The following DPY19L1 variants were observed in gnomAD, a reference collection of about 807,000 sequenced individuals.
DPY19L1 encodes dpy-19 like C-mannosyltransferase 1.
DPY19L1 carries 35 observed loss-of-function variants against 96.9 expected under a neutral mutation model. The observed-to-expected ratio is 0.36, with a 90% CI of 0.28 to 0.48. The LOEUF (loss-of-function observed/expected upper bound fraction) is 0.48. Among genes scored for constraint, DPY19L1 ranks in the 20% least tolerant of loss-of-function variants. The probability of loss-of-function intolerance (pLI) is 0.99; values close to 1 mark genes in which losing one functional copy is unlikely to be tolerated. For synonymous variants in DPY19L1, 205 were observed against 252.6 expected, an observed-to-expected ratio of 0.81 and a Z score of 1.79; for missense variants, 521 against 777.9, an observed-to-expected ratio of 0.67 and a Z score of 3.93.
At chr7:34,949,144 C>A (rs1784215138) in intron 14 of DPY19L1, among the ~76,000 whole-genome samples, 1 of 152,128 alleles carries the variant, frequency 6.6e-6, no homozygotes, top group Non-Finnish European at 1.5e-5. Context: ...TAAACCAGCT[C>A]ATAAAGTATT....
intron 13 of DPY19L1, among the ~76,000 whole-genome samples, chr7:34,953,510 G>T (rs867774342): frequency 1.3e-5 from 2 of 152,118 alleles, no homozygotes; most frequent in African/African-American, 4.8e-5. Context: ...CCTCAGAGCT[G>T]ACTTCCAGGA....
chr7:35,016,988 A>T (rs1471260607), intron 3 of DPY19L1, among the ~76,000 whole-genome samples: 1 of 152,004 alleles, frequency 6.6e-6, no homozygotes, highest in Non-Finnish European at 1.5e-5. Context: ...ATTCAAACAC[A>T]TCAACTGTTT....
chr7:34,957,426 A>T (rs1784402974), intron 11 of DPY19L1, among the ~76,000 whole-genome samples: 1 of 152,200 alleles, frequency 6.6e-6, no homozygotes, highest in African/African-American at 2.4e-5. Flanking sequence ...ATCCTGCCAT[A>T]TGTAGCAGAA....
At chr7:34,953,583 C>G (rs1784313231) in intron 13 of DPY19L1, among the ~76,000 whole-genome samples, 1 of 152,048 alleles carries the variant, frequency 6.6e-6, no homozygotes, top group Non-Finnish European at 1.5e-5. Context: ...TTTATCATAG[C>G]CTTTATTACA....
chr7:35,037,189 C>G lies in DPY19L1; in HGVS notation c.206G>C (p.Gly69Ala), dbSNP rs1442373137. The G allele has an allele frequency of 6.9e-6, 1 of 145,326 alleles. No individual in the cohort carries two copies. The highest frequency in any genetic ancestry group is 1.5e-5 in the Non-Finnish European group (1 of 65,952). The allele number at this position is 145,326 out of a possible 1,614,324, so 9.0% of individuals were successfully genotyped here. A position where few individuals can be genotyped will look rare whatever the true frequency, so the allele number is the denominator to read the frequency against. Residue 69 changes from glycine (G) to alanine (A), a missense_variant, in exon 1 of 22, where the codon GGC (glycine) becomes GCC (alanine). Gly to Ala is a moderately conservative substitution (Grantham distance 60, BLOSUM62 0). Coordinates refer to ENST00000638088, the MANE Select transcript of DPY19L1 (RefSeq NM_001366673.1). ...RAEPGAPPAG[G>A]GLGGRLAARL... Reference sequence around the variant, plus strand: ...GGCGGCCAGGCGCCCCCCAAGGCCGCCCCCGGCGGGCGGCGCGCCGGGCTC... The same window carrying G: ...GGCGGCCAGGCGCCCCCCAAGGCCGGCCCCGGCGGGCGGCGCGCCGGGCTC...
chr7:35,017,789 A>G, intron 3 of DPY19L1, 93 bp downstream of exon 3: 1 of 1,006,088 alleles, frequency 9.9e-7, no homozygotes, highest in South Asian at 2.0e-5. Flanking sequence ...TACTCTTTCT[A>G]CTTTGGAACA....
chr7:34,984,682 A>T (rs191038180), intron 7 of DPY19L1, among the ~76,000 whole-genome samples: 1 of 152,300 alleles, frequency 6.6e-6, no homozygotes, highest in East Asian at 1.9e-4. Context: ...AAAATTATAC[A>T]TCTTGTACTT....
intron 1 of DPY19L1, among the ~76,000 whole-genome samples, chr7:35,022,870 C>T (rs745516955): frequency 2.0e-5 from 3 of 152,196 alleles, no homozygotes; most frequent in African/African-American, 7.2e-5. Context: ...CAGCTCCCTG[C>T]CCTCTCGCAG....
chr7:34,983,636 T>G (rs1007308056), intron 7 of DPY19L1, among the ~76,000 whole-genome samples: 2 of 148,798 alleles, frequency 1.3e-5, no homozygotes, highest in South Asian at 2.1e-4. Flanking sequence ...CCAACTCCTA[T>G]ACATGGCAAG....
chr7:34,999,893 G>A (rs1785381575), intron 6 of DPY19L1, among the ~76,000 whole-genome samples: 1 of 152,120 alleles, frequency 6.6e-6, no homozygotes. Flanking sequence ...TAATGTAACT[G>A]CGGACTATGG....
chr7:34,936,729 G>A (rs1258706580), intron 21 of DPY19L1, among the ~76,000 whole-genome samples: 1 of 152,206 alleles, frequency 6.6e-6, no homozygotes, highest in African/African-American at 2.4e-5. Flanking sequence ...AATCCTGACT[G>A]AATTCAAACC....
intron 8 of DPY19L1, among the ~76,000 whole-genome samples, chr7:34,970,488 G>A (rs2392099): frequency 0.2 from 29,921 of 151,990 alleles, 3,324 homozygotes; most frequent in Admixed American, 0.36. Flanking sequence ...TCCTACTTAC[G>A]AGGGGTTCTA....
chr7:34,998,397 G>T (rs568930779), intron 6 of DPY19L1, among the ~76,000 whole-genome samples: 4 of 152,310 alleles, frequency 2.6e-5, no homozygotes, highest in African/African-American at 9.6e-5. Context: ...GATCATTTAA[G>T]TTCTCTTCAA....
chr7:35,015,319 T>C (rs1427309163), intron 3 of DPY19L1, among the ~76,000 whole-genome samples: 1 of 152,184 alleles, frequency 6.6e-6, no homozygotes, highest in Non-Finnish European at 1.5e-5. Flanking sequence ...GTGGACTATA[T>C]CCTAAGGTTA....
At chr7:34,976,094 A>C (rs544766254) in intron 7 of DPY19L1, among the ~76,000 whole-genome samples, 182 of 152,340 alleles carry the variant, frequency 1.2e-3, no homozygotes, top group Admixed American at 2.7e-3. Context: ...GATATGTTTC[A>C]TAAGGCTCTA....
intron 7 of DPY19L1, among the ~76,000 whole-genome samples, chr7:34,983,253 T>G (rs1784978202): frequency 6.6e-6 from 1 of 151,866 alleles, no homozygotes; most frequent in African/African-American, 2.4e-5. Flanking sequence ...TAAAAAGCTA[T>G]GAGACATGCA....
chr7:34,934,703 G>A (rs1294671724), intron 21 of DPY19L1, among the ~76,000 whole-genome samples: 2 of 152,152 alleles, frequency 1.3e-5, no homozygotes, highest in East Asian at 3.9e-4. Context: ...TAAGGAGCAC[G>A]TACCCTAGAT....
intron 21 of DPY19L1, among the ~76,000 whole-genome samples, chr7:34,932,034 T>C (rs1783763026): frequency 6.6e-6 from 1 of 152,206 alleles, no homozygotes; most frequent in South Asian, 2.1e-4. Flanking sequence ...AATGTGGTTC[T>C]GGGCAGGTAG....
At position 34,957,973 on chromosome 7, in the gene DPY19L1, G is replaced by A. The variant is rs371093022; in HGVS notation, c.1179+11C>T. On this transcript the variant is annotated intron_variant, in intron 11 of 21. Coordinates refer to ENST00000638088, the MANE Select transcript of DPY19L1 (RefSeq NM_001366673.1). The stretch of plus-strand genomic sequence containing the variant: ...TCAAAAACAGCCATATAAGTGTTAA[G>A]GAATACTTACCCAAATAATTACCAA... 2.0e-6 allele frequency: 3 copies of A among 1,535,220 alleles called. No homozygotes were observed. The highest frequency in any genetic ancestry group is 1.4e-5 in the African/African-American group (1 of 71,634).
Sources: allele counts gnomAD v4.1 joint callset (sites outside exome capture counted in the v4.1 genomes callset), GRCh38; gene constraint gnomAD v4.1.1; transcripts MANE v1.5; gene names NCBI Gene and HGNC (gene_info 2026-07-23, HGNC 2026-07-21).